Variants in ASAP1 observed in about 807,000 individuals in gnomAD.
ASAP1 encodes the protein arf-GAP with SH3 domain, ANK repeat and PH domain-containing protein 1.
ASAP1 carries 43 observed loss-of-function variants against 145.2 expected under a neutral mutation model. That is an observed-to-expected ratio of 0.30 (90% CI 0.23 to 0.38). The LOEUF is 0.38. Among genes scored for constraint, ASAP1 ranks in the 10% least tolerant of loss-of-function variants. The pLI is 1.00. For synonymous variants in ASAP1, 546 were observed against 515.5 expected, an observed-to-expected ratio of 1.06 and a Z score of -0.80; for missense variants, 1,018 against 1,355.3, an observed-to-expected ratio of 0.75 and a Z score of 3.91.
At chr8:130,102,664 A>G (rs991141883) in intron 24 of ASAP1, among the ~76,000 whole-genome samples, 3 of 152,078 alleles carry the variant, frequency 2.0e-5, no homozygotes. Context: ...ACAGTTTAAG[A>G]ATTGGTGCTA....
chr8:130,223,163 A>C (rs530041063), intron 4 of ASAP1, among the ~76,000 whole-genome samples: 1 of 152,232 alleles, frequency 6.6e-6, no homozygotes, highest in Non-Finnish European at 1.5e-5. Context: ...TAATGGGTAT[A>C]ATAAGGCCTT....
At chr8:130,225,588 A>G (rs1817543617) in intron 4 of ASAP1, among the ~76,000 whole-genome samples, 1 of 152,188 alleles carries the variant, frequency 6.6e-6, no homozygotes, top group African/African-American at 2.4e-5. Context: ...GAAGGCAACT[A>G]TTTAATATTT....
chr8:130,401,006 G>A (rs1157391655), intron 2 of ASAP1, among the ~76,000 whole-genome samples: 5 of 151,604 alleles, frequency 3.3e-5, no homozygotes, highest in Non-Finnish European at 7.4e-5. Flanking sequence ...TCAGCCTCCC[G>A]AGTAGCTGGG....
At chr8:130,202,645 A>C (rs1815939548) in intron 5 of ASAP1, among the ~76,000 whole-genome samples, 1 of 152,226 alleles carries the variant, frequency 6.6e-6, no homozygotes, top group African/African-American at 2.4e-5. Flanking sequence ...ATCTCTTGAT[A>C]ATTTACGGCT....
intron 13 of ASAP1, among the ~76,000 whole-genome samples, chr8:130,146,816 A>C (rs1307533875): frequency 1.3e-5 from 2 of 152,226 alleles, no homozygotes; most frequent in African/African-American, 2.4e-5. Context: ...AATGCCATGG[A>C]AGGTGACAGA....
chr8:130,067,081 AT>A (rs1294483399), intron 27 of ASAP1, among the ~76,000 whole-genome samples: 3 of 152,180 alleles, frequency 2.0e-5, no homozygotes, highest in Non-Finnish European at 2.9e-5. Flanking sequence ...TCTGCTGCTC[AT>A]TGAAAGCAAA....
intron 15 of ASAP1, among the ~76,000 whole-genome samples, chr8:130,130,973 G>A (rs892850701): frequency 6.6e-6 from 1 of 152,034 alleles, no homozygotes; most frequent in Non-Finnish European, 1.5e-5. Flanking sequence ...TGGCTAACAC[G>A]GTGAAACCCC....
chr8:130,210,956 C>T (rs1565093300), intron 5 of ASAP1, among the ~76,000 whole-genome samples: 1 of 152,088 alleles, frequency 6.6e-6, no homozygotes, highest in East Asian at 1.9e-4. Flanking sequence ...GAAACCCTGC[C>T]ACTACCAAGA....
chr8:130,288,975 G>A (rs1039047171), intron 3 of ASAP1, among the ~76,000 whole-genome samples: 2 of 152,026 alleles, frequency 1.3e-5, no homozygotes, highest in African/African-American at 4.8e-5. Flanking sequence ...TCACGAGGTC[G>A]GGAGACCGAG....
intron 3 of ASAP1, among the ~76,000 whole-genome samples, chr8:130,237,586 A>G (rs904994665): frequency 1.3e-5 from 2 of 152,112 alleles, no homozygotes; most frequent in East Asian, 1.9e-4. Context: ...TGCCATCATG[A>G]TGCTGGTAAT....
chr8:130,352,212 G>GTTT (rs11420981), intron 3 of ASAP1, among the ~76,000 whole-genome samples: 3,961 of 139,636 alleles, frequency 0.028, 147 homozygotes, highest in African/African-American at 0.079. Context: ...CTTCCTAAGG[G>GTTT]TTTTTTTTTT....
rs1219041791 is a variant in ASAP1 at position 130,420,641 on chromosome 8, C to G, written c.-27-18671G>C. On this transcript the variant is annotated intron_variant, in intron 1 of 29. Coordinates refer to ENST00000518721, the MANE Select transcript of ASAP1 (RefSeq NM_018482.4). ...AGGTGCGGTGGCTCACACCTGTAAT[C>G]CCAGCACTGTGGGAGGCCGAGGCAG... Among the ~76,000 whole-genome samples, 3 of 152,212 alleles carry G rather than the reference C, an allele frequency of 2.0e-5. No homozygotes were observed. The East Asian group carries it at 5.8e-4, about 29-fold the overall frequency.
In ASAP1 at chr8:130,092,054, G is replaced by C. The variant is rs1592779414; in HGVS notation, c.2491C>G (p.Pro831Ala). ...GATAGGGTTCTCTTGTGTCCGGGTG[G>C]TGGGGGAGGAGGCCTCTTCTTGGAT... Reference protein sequence around the residue: ...TLSKKRPPPPPPGHKRTLSDP... With the variant: ...TLSKKRPPPPAPGHKRTLSDP... Residue 831 changes from proline (P) to alanine (A), a missense_variant, in exon 25 of 30, where the codon CCA becomes GCA. Physicochemically the swap from Pro to Ala is conservative, Grantham distance 27 (BLOSUM62 -1). Around this residue, in one of 9 missense-constraint regions of ASAP1, gnomAD observed 353 missense variants for 375.4 expected, o/e 0.94. Coordinates refer to ENST00000518721, the MANE Select transcript of ASAP1 (RefSeq NM_018482.4). 1 of 1,573,988 alleles carries C rather than the reference G, an allele frequency of 6.4e-7. No homozygotes were observed. The highest frequency in any genetic ancestry group is 2.4e-5 in the East Asian group (1 of 40,890).
intron 4 of ASAP1, 131 bp downstream of exon 4, chr8:130,236,791 A>G: frequency 1.6e-6 from 1 of 618,972 alleles, no homozygotes; most frequent in Non-Finnish European, 2.6e-6. Flanking sequence ...AAAAAAAGAG[A>G]AATTTCTTTT....
rs1260998937 is a variant in ASAP1 at position 130,168,996 on chromosome 8, T to C, written c.818A>G (p.Tyr273Cys). Reference protein sequence around the residue: ...QYIEKLAADLYNIKQTQDEEK... With the variant: ...QYIEKLAADLCNIKQTQDEEK... ...TGTATTTTATAAAGAACTTACATTA[T>C]ATAAATCAGCAGCCAGTTTTTCAAT... The change falls in exon 10 of 30, where the codon TAT (tyrosine) becomes TGT (cysteine). Residue 273 changes from tyrosine to cysteine, a missense_variant. Transcript: ENST00000518721. 3.8e-6 allele frequency: 6 copies of C among 1,567,076 alleles called. No individual in the cohort carries two copies. The highest frequency in any genetic ancestry group is 2.8e-5 in the African/African-American group (2 of 72,674).
chr8:130,223,394 A>T (rs183855054), intron 4 of ASAP1, among the ~76,000 whole-genome samples: 1 of 152,210 alleles, frequency 6.6e-6, no homozygotes, highest in African/African-American at 2.4e-5. Context: ...CAATGCCTAT[A>T]AGGAACATGG....
chr8:130,383,567 G>A lies in ASAP1; in HGVS notation c.59+18318C>T, dbSNP rs1036649441. On this transcript the variant is annotated intron_variant, in intron 2 of 29. Transcript: ENST00000518721. ...ACTGCCTTGTTTAATCTTCACTGCA[G>A]TGGCGTGTGGGATCTAATATTATTC... 1.1e-4 allele frequency among the ~76,000 whole-genome samples: 17 copies of A among 152,348 alleles called. 2 individuals carry two copies. Among genetic ancestry groups the A allele is most frequent in the African/African-American group, 3.4e-4 (14 of 41,586 alleles).
rs566083996 is a variant in ASAP1, at chr8:130,307,494, T to A, written c.186+50523A>T. ...TTCCTCCTCCAGTGATTCAAATGGG[T>A]CTAGCAATCCAGAGCAAAGTGGTAA... is the stretch of plus-strand genomic sequence containing the variant. On this transcript the variant is annotated intron_variant, in intron 3 of 29. Coordinates refer to ENST00000518721, the MANE Select transcript of ASAP1 (RefSeq NM_018482.4). 2.6e-5 allele frequency among the ~76,000 whole-genome samples: 4 copies of A among 152,216 alleles called. No homozygotes were observed. In the East Asian group the frequency reaches 7.7e-4, roughly 29 times the overall value.
intron 27 of ASAP1, among the ~76,000 whole-genome samples, chr8:130,075,825 A>G (rs977318784): frequency 2.0e-5 from 3 of 152,250 alleles, no homozygotes; most frequent in African/African-American, 4.8e-5. Context: ...TTTGCAGAGC[A>G]TGGGTATCTC....
Sources: allele counts gnomAD v4.1 joint callset (sites outside exome capture counted in the v4.1 genomes callset), GRCh38; gene constraint gnomAD v4.1.1; regional missense constraint gnomAD v4.1.1; transcripts MANE v1.5; gene names NCBI Gene and HGNC (gene_info 2026-07-23, HGNC 2026-07-21).